Variants in SUMF1 observed in about 807,000 individuals in gnomAD.
SUMF1 encodes the protein formylglycine-generating enzyme.
SUMF1 carries 48 observed loss-of-function variants against 47.6 expected under a neutral mutation model. The ratio of observed to expected loss-of-function variants is 1.01; its 90% CI spans 0.80 to 1.28. SUMF1 has a LOEUF of 1.28. SUMF1 is among the 50% of genes most tolerant of loss of function. The probability of loss-of-function intolerance (pLI) is 0.00; values close to 1 mark genes in which losing one functional copy is unlikely to be tolerated. For missense variants in SUMF1, 571 were observed against 485.4 expected, an observed-to-expected ratio of 1.18 and a Z score of -1.66; for synonymous variants, 230 against 192.1, an observed-to-expected ratio of 1.20 and a Z score of -1.63.
At chr3:4,245,076 T>C (rs921813920) in intron 8 of SUMF1, among the ~76,000 whole-genome samples, 1 of 152,112 alleles carries the variant, frequency 6.6e-6, no homozygotes, top group Non-Finnish European at 1.5e-5. Context: ...GTACTGTGGT[T>C]TTCAGCTCCA....
chr3:4,148,975 C>T (rs1240770018), intron 8 of SUMF1, among the ~76,000 whole-genome samples: 3 of 151,682 alleles, frequency 2.0e-5, no homozygotes, highest in African/African-American at 7.3e-5. Flanking sequence ...GGACATTAAC[C>T]TATCATCCCA....
intron 8 of SUMF1, among the ~76,000 whole-genome samples, chr3:4,275,095 T>G (rs1310908950): frequency 6.6e-6 from 1 of 151,976 alleles, no homozygotes; most frequent in African/African-American, 2.4e-5. Context: ...TTTTGAGCAG[T>G]TGAAAATTAG....
chr3:4,330,505 T>A (rs1355332841), intron 8 of SUMF1, among the ~76,000 whole-genome samples: 1 of 152,126 alleles, frequency 6.6e-6, no homozygotes, highest in African/African-American at 2.4e-5. Flanking sequence ...TATAAAACCA[T>A]CAGATCTCAC....
chr3:4,347,934 T>C (rs754451135), intron 8 of SUMF1, among the ~76,000 whole-genome samples: 3 of 152,110 alleles, frequency 2.0e-5, no homozygotes, highest in Non-Finnish European at 4.4e-5. Flanking sequence ...CCATTCACAA[T>C]TGCTACAAAG....
At chr3:4,099,398 C>T (rs1692980647) in intron 8 of SUMF1, among the ~76,000 whole-genome samples, 1 of 152,054 alleles carries the variant, frequency 6.6e-6, no homozygotes, top group Admixed American at 6.6e-5. Flanking sequence ...AAGCATGTGA[C>T]AAAAGTCAGC....
At chr3:4,153,911 T>C (rs1423300265) in intron 8 of SUMF1, among the ~76,000 whole-genome samples, 1 of 151,540 alleles carries the variant, frequency 6.6e-6, no homozygotes, top group Admixed American at 6.6e-5. Context: ...CTGAGGAAAT[T>C]GGAGCTTAGG....
chr3:4,177,213 A>G (rs1694985563), intron 8 of SUMF1, among the ~76,000 whole-genome samples: 1 of 152,100 alleles, frequency 6.6e-6, no homozygotes, highest in African/African-American at 2.4e-5. Context: ...CAGAACTCTA[A>G]AGACCAAATC....
At chr3:4,121,460 T>C (rs1693539668) in intron 8 of SUMF1, among the ~76,000 whole-genome samples, 1 of 152,186 alleles carries the variant, frequency 6.6e-6, no homozygotes, top group Non-Finnish European at 1.5e-5. Flanking sequence ...CCTTTAAACA[T>C]GATAGTTGTG....
intron 8 of SUMF1, among the ~76,000 whole-genome samples, chr3:4,352,374 A>T (rs1160172321): frequency 1.3e-5 from 2 of 152,216 alleles, no homozygotes; most frequent in African/African-American, 4.8e-5. Flanking sequence ...GGCCCTGGAA[A>T]GCAAACCAGC....
intron 8 of SUMF1, among the ~76,000 whole-genome samples, chr3:4,252,116 G>C (rs1274656251): frequency 6.6e-6 from 1 of 152,060 alleles, no homozygotes; most frequent in African/African-American, 2.4e-5. Context: ...ACTGACCTAA[G>C]TAAATAAAGA....
At chr3:4,099,362 T>C (rs1057083068) in intron 8 of SUMF1, among the ~76,000 whole-genome samples, 17 of 152,086 alleles carry the variant, frequency 1.1e-4, no homozygotes, top group African/African-American at 3.9e-4. Context: ...ACAAAAACCA[T>C]ACGATCATCT....
chr3:4,168,421 G>A (rs774352736), intron 8 of SUMF1, among the ~76,000 whole-genome samples: 1 of 152,138 alleles, frequency 6.6e-6, no homozygotes, highest in African/African-American at 2.4e-5. Flanking sequence ...GAACAGATCT[G>A]CCATCTCCAG....
At chr3:4,125,867 G>C (rs1693645012) in intron 8 of SUMF1, among the ~76,000 whole-genome samples, 1 of 152,030 alleles carries the variant, frequency 6.6e-6, no homozygotes, top group Non-Finnish European at 1.5e-5. Context: ...CATTGAGATA[G>C]ACTCTTGCTT....
At chr3:4,162,905 T>A (rs367970473) in intron 8 of SUMF1, among the ~76,000 whole-genome samples, 18 of 143,458 alleles carry the variant, frequency 1.3e-4, no homozygotes, top group Admixed American at 1.4e-4. Flanking sequence ...GCCTCCCTCA[T>A]AAAAAAAAAA....
chr3:4,408,983 G>C (rs763844549), intron 7 of SUMF1, among the ~76,000 whole-genome samples: 1 of 151,950 alleles, frequency 6.6e-6, no homozygotes, highest in Admixed American at 6.6e-5. Context: ...TAAAAAAAAA[G>C]ATAAAAGTAA....
intron 8 of SUMF1, among the ~76,000 whole-genome samples, chr3:4,323,536 G>T (rs1395132612): frequency 1.3e-5 from 2 of 152,098 alleles, no homozygotes; most frequent in Admixed American, 1.3e-4. Context: ...TATGTGAATT[G>T]TATCTCCTTA....
intron 8 of SUMF1, among the ~76,000 whole-genome samples, chr3:4,356,007 T>C (rs747802688): frequency 1.6e-4 from 25 of 152,236 alleles, no homozygotes; most frequent in South Asian, 6.2e-4. Context: ...CCTACCTGAA[T>C]ATTGTCTGTA....
chr3:4,177,689 C>T (rs1025000959), intron 8 of SUMF1, among the ~76,000 whole-genome samples: 2 of 152,004 alleles, frequency 1.3e-5, no homozygotes, highest in African/African-American at 4.8e-5. Flanking sequence ...TAACTAAGAT[C>T]AGAGCAGAAG....
At chr3:4,148,375 G>T (rs1694243218) in intron 8 of SUMF1, among the ~76,000 whole-genome samples, 1 of 152,058 alleles carries the variant, frequency 6.6e-6, no homozygotes, top group South Asian at 2.1e-4. Context: ...TTTAGTAGGT[G>T]GAAAATAAGC....
Sources: allele counts gnomAD v4.1 joint callset (sites outside exome capture counted in the v4.1 genomes callset), GRCh38; gene constraint gnomAD v4.1.1; transcripts MANE v1.5; gene names NCBI Gene and HGNC (gene_info 2026-07-23, HGNC 2026-07-21).